The following CCSER1 variants were observed in gnomAD, a reference collection of about 807,000 sequenced individuals.
The protein encoded by CCSER1 is serine-rich coiled-coil domain-containing protein 1.
CCSER1 carries 41 observed loss-of-function variants against 82.0 expected under a neutral mutation model. The observed-to-expected ratio is 0.50, with a 90% CI of 0.39 to 0.65. The LOEUF is 0.65. Ranked by LOEUF, CCSER1 falls within the 30% of genes least tolerant of loss-of-function variation. CCSER1 has a pLI of 0.00. For synonymous variants in CCSER1, 414 were observed against 383.9 expected (o/e 1.08, Z -0.92); for missense variants, 1,119 against 1,064.2 (o/e 1.05, Z -0.72).
At chr4:90,932,612 G>A (rs1014261034) in intron 9 of CCSER1, among the ~76,000 whole-genome samples, 3 of 151,808 alleles carry the variant, frequency 2.0e-5, no homozygotes, top group Admixed American at 6.6e-5. Flanking sequence ...CGAATCACCC[G>A]AGGTCAGGAG....
At chr4:91,110,924 TATTTA>T (rs1434616229) in intron 10 of CCSER1, among the ~76,000 whole-genome samples, 3 of 152,022 alleles carry the variant, frequency 2.0e-5, no homozygotes, top group Non-Finnish European at 4.4e-5. Context: ...TTGGTAAGTA[TATTTA>T]ATTTAATTTC....
chr4:91,525,871 T>G (rs1042628055), intron 10 of CCSER1, among the ~76,000 whole-genome samples: 2 of 152,174 alleles, frequency 1.3e-5, no homozygotes, highest in African/African-American at 4.8e-5. Flanking sequence ...GCTAGGGATA[T>G]TTTAAAATTT....
chr4:90,630,694 G>A (rs1724214448), intron 6 of CCSER1, among the ~76,000 whole-genome samples: 1 of 151,692 alleles, frequency 6.6e-6, no homozygotes, highest in African/African-American at 2.4e-5. Context: ...AAAGAAAATT[G>A]TTTTTTGAAA....
intron 3 of CCSER1, among the ~76,000 whole-genome samples, chr4:90,314,719 G>A (rs1167391481): frequency 6.6e-6 from 1 of 151,168 alleles, no homozygotes; most frequent in Non-Finnish European, 1.5e-5. Flanking sequence ...ACTGCACTTC[G>A]GCCTGGGCAA....
chr4:90,670,190 T>A (rs1206360407), intron 6 of CCSER1, among the ~76,000 whole-genome samples: 1 of 152,134 alleles, frequency 6.6e-6, no homozygotes, highest in Non-Finnish European at 1.5e-5. Context: ...AGATGCCAAG[T>A]TTAAGAAAAT....
At chr4:90,898,916 T>A (rs1249226433) in intron 8 of CCSER1, among the ~76,000 whole-genome samples, 1 of 152,090 alleles carries the variant, frequency 6.6e-6, no homozygotes, top group East Asian at 1.9e-4. Context: ...TATGATTGCT[T>A]TGGGTATTTA....
chr4:90,269,167 G>A (rs910136962), intron 1 of CCSER1, among the ~76,000 whole-genome samples: 3 of 152,040 alleles, frequency 2.0e-5, no homozygotes, highest in African/African-American at 4.8e-5. Flanking sequence ...CATTTAATCT[G>A]TATTTAGATT....
intron 8 of CCSER1, among the ~76,000 whole-genome samples, chr4:90,879,919 C>T (rs1397157584): frequency 6.6e-6 from 1 of 152,106 alleles, no homozygotes; most frequent in African/African-American, 2.4e-5. Flanking sequence ...ATGTTTTCAC[C>T]AGGCCGAGGC....
intron 5 of CCSER1, among the ~76,000 whole-genome samples, chr4:90,604,217 A>C (rs1447002091): frequency 6.6e-6 from 1 of 152,134 alleles, no homozygotes; most frequent in East Asian, 1.9e-4. Context: ...AAAATTACAA[A>C]ATCTGTATTT....
chr4:91,031,986 A>G (rs1741021083), intron 9 of CCSER1, among the ~76,000 whole-genome samples: 1 of 152,056 alleles, frequency 6.6e-6, no homozygotes, highest in Non-Finnish European at 1.5e-5. Context: ...ATTACTTCTG[A>G]GTCATAAATA....
At chr4:90,584,378 A>G (rs1053316940) in intron 5 of CCSER1, among the ~76,000 whole-genome samples, 1 of 152,188 alleles carries the variant, frequency 6.6e-6, no homozygotes, top group African/African-American at 2.4e-5. Context: ...AAGAGCCAGC[A>G]AGGAAAAGAG....
At chr4:90,364,310 C>G (rs989740253) in intron 3 of CCSER1, among the ~76,000 whole-genome samples, 1 of 152,006 alleles carries the variant, frequency 6.6e-6, no homozygotes, top group African/African-American at 2.4e-5. Context: ...ATTTTTCCCA[C>G]TAACTGAATC....
intron 10 of CCSER1, among the ~76,000 whole-genome samples, chr4:91,431,647 A>T (rs1754327376): frequency 6.6e-6 from 1 of 151,982 alleles, no homozygotes; most frequent in African/African-American, 2.4e-5. Context: ...TTGTATTTTT[A>T]GTAGAAATGG....
chr4:90,453,131 C>T (rs1244911844), intron 4 of CCSER1, among the ~76,000 whole-genome samples: 1 of 152,194 alleles, frequency 6.6e-6, no homozygotes, highest in Non-Finnish European at 1.5e-5. Flanking sequence ...CCTGAGGTAA[C>T]ACTGTCCAGG....
intron 1 of CCSER1, among the ~76,000 whole-genome samples, chr4:90,254,007 A>G (rs1054860034): frequency 1.3e-5 from 2 of 152,162 alleles, no homozygotes; most frequent in African/African-American, 2.4e-5. Context: ...ATTTTTTGAA[A>G]TGAGACTTTG....
chr4:90,301,326 G>C (rs963627910), intron 1 of CCSER1, among the ~76,000 whole-genome samples: 1 of 152,102 alleles, frequency 6.6e-6, no homozygotes, highest in Non-Finnish European at 1.5e-5. Context: ...GTGGTACTCT[G>C]TTCAGGGTAA....
intron 1 of CCSER1, among the ~76,000 whole-genome samples, chr4:90,301,702 A>G (rs1188634821): frequency 1.3e-5 from 2 of 152,124 alleles, no homozygotes; most frequent in African/African-American, 4.8e-5. Context: ...TTATTATTAA[A>G]GTGACTATGA....
chr4:90,491,771 T>A (rs1281676342), intron 5 of CCSER1, among the ~76,000 whole-genome samples: 3 of 152,340 alleles, frequency 2.0e-5, no homozygotes, highest in Admixed American at 2.0e-4. Flanking sequence ...TCTATTGAGA[T>A]AATCATGTGG....
chr4:90,355,779 C>A (rs1744272584), intron 3 of CCSER1, among the ~76,000 whole-genome samples: 1 of 151,884 alleles, frequency 6.6e-6, no homozygotes, highest in African/African-American at 2.4e-5. Flanking sequence ...TGATTTAATG[C>A]CACTTATGAT....
Sources: allele counts gnomAD v4.1 joint callset (sites outside exome capture counted in the v4.1 genomes callset), GRCh38; gene constraint gnomAD v4.1.1; transcripts MANE v1.5; gene names NCBI Gene and HGNC (gene_info 2026-07-23, HGNC 2026-07-21).